The following RGL1 variants were observed in gnomAD, a reference collection of about 807,000 sequenced individuals.
RGL1 encodes the protein ral guanine nucleotide dissociation stimulator like 1.
RGL1 carries 24 observed loss-of-function variants against 95.2 expected under a neutral mutation model. The observed-to-expected ratio is 0.25, with a 90% confidence interval of 0.18 to 0.35. RGL1 has a LOEUF of 0.35. Among genes scored for constraint, RGL1 ranks in the 10% least tolerant of loss-of-function variants. The pLI, the probability that RGL1 is intolerant of heterozygous loss-of-function variation, is 1.00. For synonymous variants in RGL1, 329 were observed against 344.9 expected (o/e 0.95, Z 0.51); for missense variants, 715 against 936.3 (o/e 0.76, Z 3.08).
At chr1:183,808,440 G>C (rs1035376558) in intron 2 of RGL1, among the ~76,000 whole-genome samples, 2 of 152,126 alleles carry the variant, frequency 1.3e-5, no homozygotes, top group Non-Finnish European at 2.9e-5. Context: ...CTCCTTTATT[G>C]CAAGTTCCTA....
At chr1:183,885,529 T>C (rs1667061114) in intron 7 of RGL1, among the ~76,000 whole-genome samples, 1 of 152,160 alleles carries the variant, frequency 6.6e-6, no homozygotes, top group South Asian at 2.1e-4. Context: ...CTCACATTCT[T>C]CTGAGTGTTG....
intron 4 of RGL1, among the ~76,000 whole-genome samples, chr1:183,879,082 A>T (rs748479415): frequency 6.6e-6 from 1 of 152,236 alleles, no homozygotes; most frequent in African/African-American, 2.4e-5. Context: ...TTTAATCTGG[A>T]CTAAATATTT....
At chr1:183,696,795 AC>A (rs1422821585) in intron 1 of RGL1, among the ~76,000 whole-genome samples, 5 of 152,234 alleles carry the variant, frequency 3.3e-5, no homozygotes, top group African/African-American at 4.8e-5. Flanking sequence ...TCTTTCTCTC[AC>A]ATCTTTCATC....
intron 1 of RGL1, among the ~76,000 whole-genome samples, chr1:183,661,926 A>G (rs879831871): frequency 0.011 from 1,677 of 150,494 alleles, 17 homozygotes; most frequent in Middle Eastern, 0.027. Flanking sequence ...CAATAAATGT[A>G]ATCCAGCATA....
intron 2 of RGL1, among the ~76,000 whole-genome samples, chr1:183,758,032 C>A (rs1658448797): frequency 6.6e-6 from 1 of 152,184 alleles, no homozygotes; most frequent in Non-Finnish European, 1.5e-5. Context: ...CCCATGTGAA[C>A]AAATACCAGT....
At chr1:183,745,835 A>G (rs137906828) in intron 2 of RGL1, among the ~76,000 whole-genome samples, 5 of 152,208 alleles carry the variant, frequency 3.3e-5, no homozygotes, top group African/African-American at 1.2e-4. Flanking sequence ...TTTGATTTGG[A>G]TTTCAGTAAA....
At chr1:183,668,021 GTGTGTC>G (rs57709730) in intron 1 of RGL1, among the ~76,000 whole-genome samples, 38,867 of 147,008 alleles carry the variant, frequency 0.26, 5,008 homozygotes, top group Middle Eastern at 0.34. Context: ...GTGTGTGTGT[GTGTGTC>G]TGTGTGTAAT....
At chr1:183,764,386 GGGC>G (rs947944956) in intron 2 of RGL1, among the ~76,000 whole-genome samples, 30 of 152,150 alleles carry the variant, frequency 2.0e-4, no homozygotes, top group African/African-American at 7.2e-4. Flanking sequence ...GATGGTCAGT[GGGC>G]AGTTATTATG....
intron 2 of RGL1, among the ~76,000 whole-genome samples, chr1:183,756,628 C>G (rs1471536188): frequency 1.3e-5 from 2 of 152,172 alleles, no homozygotes; most frequent in Non-Finnish European, 2.9e-5. Context: ...TGCTGTCTCT[C>G]TTCTCTGTCC....
At chr1:183,883,540 G>A (rs1666938449) in intron 5 of RGL1, among the ~76,000 whole-genome samples, 1 of 152,144 alleles carries the variant, frequency 6.6e-6, no homozygotes, top group Non-Finnish European at 1.5e-5. Context: ...TCTGTCCTTG[G>A]CCTAGGAGCC....
intron 2 of RGL1, among the ~76,000 whole-genome samples, chr1:183,815,827 T>C (rs566761255): frequency 1.7e-3 from 256 of 152,292 alleles, no homozygotes; most frequent in Non-Finnish European, 2.7e-3. Context: ...CTCAACTCAC[T>C]GAGTGGTGGG....
chr1:183,729,359 G>C (rs1656497122), intron 1 of RGL1, among the ~76,000 whole-genome samples: 1 of 152,046 alleles, frequency 6.6e-6, no homozygotes, highest in Non-Finnish European at 1.5e-5. Flanking sequence ...TCCATGACTA[G>C]ATGCTCAATA....
intron 2 of RGL1, among the ~76,000 whole-genome samples, chr1:183,774,658 C>T (rs1389890044): frequency 6.8e-6 from 1 of 147,996 alleles, no homozygotes; most frequent in African/African-American, 2.5e-5. Flanking sequence ...TTCACACAAC[C>T]TCTGCCTCCT....
chr1:183,860,980 C>T (rs1013993872), intron 3 of RGL1, among the ~76,000 whole-genome samples: 6 of 152,100 alleles, frequency 3.9e-5, no homozygotes, highest in East Asian at 3.9e-4. Context: ...GGTTGCTGAA[C>T]GCTGACTGTC....
chr1:183,841,849 C>T (rs767538525), intron 2 of RGL1, among the ~76,000 whole-genome samples: 1 of 152,126 alleles, frequency 6.6e-6, no homozygotes, highest in African/African-American at 2.4e-5. Context: ...ATCTTAAAAC[C>T]GAAATTCAAA....
chr1:183,800,701 C>G (rs1660943037), upstream of RGL1, among the ~76,000 whole-genome samples: 1 of 152,182 alleles, frequency 6.6e-6, no homozygotes, highest in African/African-American at 2.4e-5. Flanking sequence ...CTACTTCCTG[C>G]TTCTAAGAGT....
intron 4 of RGL1, among the ~76,000 whole-genome samples, chr1:183,873,391 C>T (rs1409469553): frequency 1.3e-5 from 2 of 152,208 alleles, no homozygotes; most frequent in Admixed American, 6.5e-5. Context: ...TCAACCATCA[C>T]AAATATGCTG....
At chr1:183,879,638 G>A (rs1191907631) in intron 4 of RGL1, among the ~76,000 whole-genome samples, 3 of 152,184 alleles carry the variant, frequency 2.0e-5, no homozygotes, top group East Asian at 3.8e-4. Context: ...GGACCGTATG[G>A]GGTAACTGGT....
Position 183,880,887 on chromosome 1 carries a change from A to T in RGL1, c.610+87A>T, listed in dbSNP as rs142972888. 327 of 1,271,334 alleles carry T rather than the reference A, an allele frequency of 2.6e-4. No homozygotes were observed. In the African/African-American group the frequency reaches 4.5e-3, roughly 18 times the overall value. The allele number at this position is 1,271,334 out of a possible 1,614,324, so 78.8% of individuals were successfully genotyped here. Reference sequence around the variant, plus strand: ...AGAAAGGTTCTCCCTGTGCTGGCTAATAGGAAACCTTGGTACCCTCAAAAC... The same window carrying T: ...AGAAAGGTTCTCCCTGTGCTGGCTATTAGGAAACCTTGGTACCCTCAAAAC... On this transcript the variant is annotated intron_variant, in intron 5 of 17. Transcript: ENST00000360851.
Sources: allele counts gnomAD v4.1 joint callset (sites outside exome capture counted in the v4.1 genomes callset), GRCh38; gene constraint gnomAD v4.1.1; transcripts MANE v1.5; gene names NCBI Gene and HGNC (gene_info 2026-07-23, HGNC 2026-07-21).